CSMD1: variants seen among roughly 807,000 people sequenced by gnomAD.
The protein encoded by CSMD1 is CUB and sushi domain-containing protein 1.
CSMD1 carries 213 observed loss-of-function variants against 417.5 expected under a neutral mutation model. The observed-to-expected ratio is 0.51, with a 90% confidence interval of 0.46 to 0.57. The LOEUF (loss-of-function observed/expected upper bound fraction) is 0.57, where lower values mean the gene tolerates loss of function less well. Ranked by LOEUF, CSMD1 falls within the 20% of genes least tolerant of loss-of-function variation. CSMD1 has a pLI of 0.00. For synonymous variants in CSMD1, 2,862 were observed against 1,736.8 expected (o/e 1.65, Z -16.11); for missense variants, 6,923 against 4,529.7 (o/e 1.53, Z -15.17).
intron 16 of CSMD1, among the ~76,000 whole-genome samples, chr8:3,397,083 C>T (rs989140692): frequency 5.3e-5 from 8 of 152,058 alleles, no homozygotes; most frequent in Admixed American, 2.6e-4. Flanking sequence ...AAGTTGCAGC[C>T]ACTTGGCTCC....
chr8:3,669,198 G>A (rs1021053847), intron 7 of CSMD1, among the ~76,000 whole-genome samples: 1 of 152,158 alleles, frequency 6.6e-6, no homozygotes, highest in Non-Finnish European at 1.5e-5. Flanking sequence ...TAATTGAAAG[G>A]CTAGGAGCAT....
At chr8:3,744,824 C>G (rs1796988252) in intron 6 of CSMD1, among the ~76,000 whole-genome samples, 1 of 152,138 alleles carries the variant, frequency 6.6e-6, no homozygotes, top group East Asian at 1.9e-4. Flanking sequence ...TTTCATATAT[C>G]TATGGAACTG....
At chr8:3,907,505 C>T (rs1808188581) in intron 5 of CSMD1, among the ~76,000 whole-genome samples, 1 of 152,134 alleles carries the variant, frequency 6.6e-6, no homozygotes, top group African/African-American at 2.4e-5. Flanking sequence ...TATTAAGTAT[C>T]ATCTCACAGA....
At chr8:2,984,338 CTATT>C (rs965444446) in intron 54 of CSMD1, among the ~76,000 whole-genome samples, 6 of 152,132 alleles carry the variant, frequency 3.9e-5, no homozygotes, top group Admixed American at 2.0e-4. Context: ...TGCGTTGAGG[CTATT>C]TATTTACTTT....
intron 2 of CSMD1, among the ~76,000 whole-genome samples, chr8:4,501,754 A>T (rs1802269219): frequency 6.6e-6 from 1 of 152,174 alleles, no homozygotes; most frequent in Non-Finnish European, 1.5e-5. Flanking sequence ...TGGTTGCAGT[A>T]GTGCAGCATT....
At chr8:3,635,641 G>A (rs914598232) in intron 7 of CSMD1, among the ~76,000 whole-genome samples, 20 of 151,306 alleles carry the variant, frequency 1.3e-4, no homozygotes, top group African/African-American at 4.1e-4. Flanking sequence ...CAGCCACCAT[G>A]CCTGGCTATT....
intron 2 of CSMD1, among the ~76,000 whole-genome samples, chr8:4,599,464 T>C (rs2130758908): frequency 6.6e-6 from 1 of 151,626 alleles, no homozygotes; most frequent in East Asian, 1.9e-4. Context: ...GAAGACAGAG[T>C]GGAAGCTCAA....
At chr8:4,291,787 TAAGAC>T (rs1181748386) in intron 3 of CSMD1, among the ~76,000 whole-genome samples, 2 of 152,202 alleles carry the variant, frequency 1.3e-5, no homozygotes, top group Non-Finnish European at 2.9e-5. Flanking sequence ...AGAGCTAATA[TAAGAC>T]AAGTAATATC....
At chr8:4,424,013 A>T (rs913675875) in intron 2 of CSMD1, among the ~76,000 whole-genome samples, 1 of 152,098 alleles carries the variant, frequency 6.6e-6, no homozygotes. Flanking sequence ...CATAGCAAAT[A>T]GTAAGTTTAA....
chr8:4,423,739 A>G (rs958713914), intron 2 of CSMD1, among the ~76,000 whole-genome samples: 1 of 151,898 alleles, frequency 6.6e-6, no homozygotes, highest in Non-Finnish European at 1.5e-5. Context: ...AACAAACAAA[A>G]AAAAATAGAA....
At chr8:3,489,303 G>A (rs1032669692) in intron 11 of CSMD1, among the ~76,000 whole-genome samples, 2 of 152,168 alleles carry the variant, frequency 1.3e-5, no homozygotes, top group East Asian at 1.9e-4. Flanking sequence ...TTAGGCAGAG[G>A]CTACCCTACT....
At chr8:4,461,743 T>TTTTA in intron 2 of CSMD1, among the ~76,000 whole-genome samples, 1 of 131,098 alleles carries the variant, frequency 7.6e-6, no homozygotes, top group South Asian at 2.6e-4. Context: ...ATTTACTTAT[T>TTTTA]TTTTTTTTTT....
rs1563218402 is a variant in CSMD1, at chr8:3,926,110, C to CACACACACACACACACAAACACCAT, written c.818+71792_818+71793insATGGTGTTTGTGTGTGTGTGTGTGT. Reference sequence around the variant, plus strand: ...ACACACACACACACACACACACACACACACACACACACACACACACACTTG... The same window carrying CACACACACACACACACAAACACCAT: ...ACACACACACACACACACACACACACACACACACACACACACAAACACCATACACACACACACACACACACACTTG... On this transcript the variant is annotated intron_variant, in intron 5 of 69. Coordinates refer to ENST00000635120, the MANE Select transcript of CSMD1 (RefSeq NM_033225.6). Among the ~76,000 whole-genome samples, 284 of 79,260 alleles carry CACACACACACACACACAAACACCAT rather than the reference C, an allele frequency of 3.6e-3. 3 individuals are homozygous for CACACACACACACACACAAACACCAT. Among genetic ancestry groups the CACACACACACACACACAAACACCAT allele is most frequent in the East Asian group, 7.4e-3 (17 of 2,308 alleles). 52.0% of individuals were successfully genotyped at this position (79,260 alleles called of 152,430 possible).
At chr8:4,108,004 A>C (rs962037196) in intron 3 of CSMD1, among the ~76,000 whole-genome samples, 2 of 152,146 alleles carry the variant, frequency 1.3e-5, no homozygotes, top group East Asian at 1.9e-4. Flanking sequence ...AAAGTAAGGG[A>C]AAGACAGAAA....
intron 3 of CSMD1, among the ~76,000 whole-genome samples, chr8:4,190,969 G>C (rs1013579476): frequency 6.6e-6 from 1 of 151,738 alleles, no homozygotes. Flanking sequence ...GGGCGGGGAA[G>C]GGAGAGGATC....
intron 1 of CSMD1, among the ~76,000 whole-genome samples, chr8:4,693,375 C>T (rs1214169601): frequency 6.6e-6 from 1 of 152,188 alleles, no homozygotes; most frequent in African/African-American, 2.4e-5. Flanking sequence ...GTGGAGAAAA[C>T]AGCTGGATGG....
At chr8:3,314,677 C>T (rs1805612078) in intron 23 of CSMD1, among the ~76,000 whole-genome samples, 1 of 152,224 alleles carries the variant, frequency 6.6e-6, no homozygotes, top group African/African-American at 2.4e-5. Context: ...AAACATTCAG[C>T]TGATGAAAAT....
At chr8:4,097,573 A>G (rs971522812) in intron 3 of CSMD1, among the ~76,000 whole-genome samples, 4 of 152,232 alleles carry the variant, frequency 2.6e-5, no homozygotes, top group South Asian at 2.1e-4. Context: ...TCAGTGCAGT[A>G]TGATTCTAGT....
chr8:4,767,530 G>C (rs1221287387), intron 1 of CSMD1, among the ~76,000 whole-genome samples: 2 of 152,088 alleles, frequency 1.3e-5, no homozygotes, highest in Non-Finnish European at 2.9e-5. Context: ...ACATGGATTA[G>C]TATCTCACCA....
Sources: allele counts gnomAD v4.1 joint callset (sites outside exome capture counted in the v4.1 genomes callset), GRCh38; gene constraint gnomAD v4.1.1; transcripts MANE v1.5; gene names NCBI Gene and HGNC (gene_info 2026-07-23, HGNC 2026-07-21).